Variants in CDC5L observed in about 807,000 individuals in gnomAD.
The protein encoded by CDC5L is cell division cycle 5 like, also known as cell division cycle 5-like protein.
CDC5L carries 18 observed loss-of-function variants against 104.1 expected under a neutral mutation model. The observed-to-expected ratio is 0.17, with a 90% CI of 0.12 to 0.26. The LOEUF (loss-of-function observed/expected upper bound fraction) is 0.26. Ranked by LOEUF, CDC5L falls within the 10% of genes least tolerant of loss-of-function variation. The pLI is 1.00. For missense variants in CDC5L, 673 were observed against 956.9 expected (o/e 0.70, Z 3.91); for synonymous variants, 331 against 322.7 (o/e 1.03, Z -0.28).
intron 9 of CDC5L, among the ~76,000 whole-genome samples, chr6:44,419,833 G>A (rs545635717): frequency 1.5e-4 from 23 of 152,108 alleles, no homozygotes; most frequent in Admixed American, 1.0e-3. Flanking sequence ...GTGCAGTAGC[G>A]CGATCTCAGC....
intron 9 of CDC5L, among the ~76,000 whole-genome samples, chr6:44,420,548 G>A (rs1359901214): frequency 6.6e-6 from 1 of 151,816 alleles, no homozygotes; most frequent in African/African-American, 2.4e-5. Flanking sequence ...AGTAGAGACA[G>A]GGTTTCTCAG....
Position 44,407,971 on chromosome 6 carries a change from TC to T in CDC5L, c.904-471del, listed in dbSNP as rs34016465. ...TGATATTTTAATTGGTTTTCAGTCT[TC>T]CTCCTCCAATTTTGTATAAATACTG... is the stretch of plus-strand genomic sequence containing the variant. On this transcript the variant is annotated intron_variant, in intron 7 of 15. Transcript: ENST00000371477. Among the ~76,000 whole-genome samples the T allele has an allele frequency of 7.5e-3, 1,139 of 152,338 alleles. 7 individuals are homozygous for T. The highest frequency in any genetic ancestry group is 0.01 in the Non-Finnish European group (703 of 68,028).
Position 44,404,991 on chromosome 6 carries a change from G to A in CDC5L, c.758+964G>A, listed in dbSNP as rs1791301514. 2.6e-5 allele frequency among the ~76,000 whole-genome samples: 4 copies of A among 152,076 alleles called. No individual in the cohort carries two copies. The South Asian group carries it at 8.3e-4, about 32-fold the overall frequency. On this transcript the variant is annotated intron_variant, in intron 6 of 15. Transcript: ENST00000371477. ...TTACAGGCATGAGTCACCACTCCTG[G>A]CCCTTTTAGTCTTTTCTAGTGAAAA...
chr6:44,446,536 A>G (rs1415643316), intron 15 of CDC5L, 71 bp from the exon 16 acceptor site: 1 of 610,996 alleles, frequency 1.6e-6, no homozygotes, highest in African/African-American at 1.9e-5. Flanking sequence ...GGTTTTTAAG[A>G]TAATAAAGTA....
At position 44,449,155 on chromosome 6, in the gene CDC5L, T is replaced by A. The variant is rs1793559363; in HGVS notation, c.*2444T>A. 1 of 151,466 alleles carries A rather than the reference T, an allele frequency of 6.6e-6. No individual in the cohort carries two copies. Among genetic ancestry groups the A allele is most frequent in the South Asian group, 2.1e-4 (1 of 4,728 alleles). The allele number at this position is 151,466 out of a possible 1,614,324, so 9.4% of individuals were successfully genotyped here. A position where few individuals can be genotyped will look rare whatever the true frequency, so the allele number is the denominator to read the frequency against. ...TAAAGGCTCACTTTGTTTTCAAAAT[T>A]TGAAGTAATTCACATACTTATAGCC... On this transcript the variant is annotated 3_prime_UTR_variant, in exon 16 of 16. Coordinates refer to ENST00000371477, the MANE Select transcript of CDC5L (RefSeq NM_001253.4).
Position 44,446,783 on chromosome 6 carries a change from T to A in CDC5L, c.*72T>A, listed in dbSNP as rs756934782. ...ATACTCTAGAAGGCTGAAACTGATG[T>A]TTATCTTCATTGACAAATTTACCCA... On this transcript the variant is annotated 3_prime_UTR_variant, in exon 16 of 16. Coordinates refer to ENST00000371477, the MANE Select transcript of CDC5L (RefSeq NM_001253.4). 17 of 716,638 alleles carry A rather than the reference T, an allele frequency of 2.4e-5. No individual in the cohort carries two copies. Among genetic ancestry groups the A allele is most frequent in the African/African-American group, 5.5e-5 (3 of 54,928 alleles). 44.4% of individuals were successfully genotyped at this position (716,638 alleles called of 1,614,324 possible). A position where few individuals can be genotyped will look rare whatever the true frequency, so the allele number is the denominator to read the frequency against.
intron 14 of CDC5L, among the ~76,000 whole-genome samples, chr6:44,436,127 T>C (rs1405936428): frequency 1.3e-5 from 2 of 152,148 alleles, no homozygotes; most frequent in Non-Finnish European, 2.9e-5. Flanking sequence ...TAATATAAGA[T>C]TAAATGAGAT....
At chr6:44,397,588 TG>T in intron 5 of CDC5L, among the ~76,000 whole-genome samples, 1 of 152,358 alleles carries the variant, frequency 6.6e-6, no homozygotes, top group South Asian at 2.1e-4. Context: ...GAGCTTCATT[TG>T]TTGTAGCTAT....
intron 2 of CDC5L, among the ~76,000 whole-genome samples, chr6:44,390,841 T>G (rs1790554731): frequency 6.7e-6 from 1 of 149,894 alleles, no homozygotes; most frequent in Non-Finnish European, 1.5e-5. Context: ...AGTTTCCTCA[T>G]AATACAGTTG....
chr6:44,450,060 T>C lies in CDC5L; in HGVS notation c.*3349T>C, dbSNP rs518982. On this transcript the variant is annotated 3_prime_UTR_variant, in exon 16 of 16. Transcript: ENST00000371477. ...TGTGTTTTTAGTAGAGATGGGGTTT[T>C]GCTATGTTGGCCAGGCTGGTCTTGA... The C allele has an allele frequency of 0.052, 7,845 of 152,052 alleles. 291 individuals are homozygous for C. The highest frequency in any genetic ancestry group is 0.1 in the African/African-American group (4,309 of 41,470). 9.4% of individuals were successfully genotyped at this position (152,052 alleles called of 1,614,324 possible).
intron 8 of CDC5L, 149 bp from the exon 9 acceptor site, chr6:44,419,300 C>T (rs867069352): frequency 4.5e-6 from 3 of 659,686 alleles, no homozygotes; most frequent in Middle Eastern, 2.8e-4. Context: ...TGAAATCTGC[C>T]ATGACTGGTA....
intron 8 of CDC5L, among the ~76,000 whole-genome samples, chr6:44,410,377 A>G (rs1424510648): frequency 2.6e-5 from 4 of 152,196 alleles, no homozygotes; most frequent in Admixed American, 2.6e-4. Context: ...CCATGTTGTC[A>G]CAAATGACAG....
intron 6 of CDC5L, 26 bp downstream of exon 6, chr6:44,404,053 A>G: frequency 6.5e-7 from 1 of 1,549,962 alleles, no homozygotes; most frequent in Non-Finnish European, 8.8e-7. Context: ...GATTTTGGAA[A>G]TGGAAAGGAA....
chr6:44,445,837 T>C lies in CDC5L; in HGVS notation c.2274T>C (p.His758=). 1 of 1,613,862 alleles carries C rather than the reference T, an allele frequency of 6.2e-7. No homozygotes were observed. Residue 758 remains histidine, a synonymous_variant, in exon 15 of 16, where the codon CAT becomes CAC. Transcript: ENST00000371477. ...ELRTFEELKK[H]EDSAIPRRLE... ...GCACTTTTGAAGAACTCAAGAAACA[T>C]GAAGATTCTGCTATTCCCCGGAGGC...
At chr6:44,439,710 A>G (rs990394077) in intron 14 of CDC5L, among the ~76,000 whole-genome samples, 3 of 152,242 alleles carry the variant, frequency 2.0e-5, no homozygotes, top group African/African-American at 7.2e-5. Context: ...CTGGAAAATA[A>G]TAATGGTAAT....
In CDC5L at chr6:44,429,569, A is replaced by T; in HGVS notation, c.1894-144A>T. The T allele has an allele frequency of 4.8e-6, 3 of 629,786 alleles. No homozygotes were observed. The South Asian group carries it at 6.5e-5, about 14-fold the overall frequency. 39.0% of individuals were successfully genotyped at this position (629,786 alleles called of 1,614,324 possible). A position where few individuals can be genotyped will look rare whatever the true frequency, so the allele number is the denominator to read the frequency against. On this transcript the variant is annotated intron_variant, in intron 13 of 15. Coordinates refer to ENST00000371477, the MANE Select transcript of CDC5L (RefSeq NM_001253.4). Reference sequence around the variant, plus strand: ...GCTTCTTAAGCTATTTTTCCTAGGTATTGTTATCCACCCTTCCAAAAAACA... The same window carrying T: ...GCTTCTTAAGCTATTTTTCCTAGGTTTTGTTATCCACCCTTCCAAAAAACA...
chr6:44,393,296 C>A, intron 3 of CDC5L, 150 bp from the exon 4 acceptor site: 5 of 516,466 alleles, frequency 9.7e-6, no homozygotes, highest in Non-Finnish European at 1.6e-5. Flanking sequence ...TCATTTCTTT[C>A]AGATGAAGTG....
chr6:44,412,525 AC>A (rs1791692834), intron 8 of CDC5L, among the ~76,000 whole-genome samples: 1 of 146,228 alleles, frequency 6.8e-6, no homozygotes, highest in Non-Finnish European at 1.5e-5. Flanking sequence ...ACTGCACCTG[AC>A]CCCCCACTTT....
In CDC5L at chr6:44,422,115, C is replaced by A. The variant is rs534860618; in HGVS notation, c.1242-532C>A. On this transcript the variant is annotated intron_variant, in intron 9 of 15. Coordinates refer to ENST00000371477, the MANE Select transcript of CDC5L (RefSeq NM_001253.4). ...CTAGGAGAATCTCTTAGGCCTCACT[C>A]AGGAACTTACTCATGTTTAGATGTG... Among the ~76,000 whole-genome samples the A allele has an allele frequency of 7.2e-5, 11 of 152,326 alleles. No homozygotes were observed. In the South Asian group the frequency reaches 1.9e-3, roughly 26 times the overall value.
Sources: gnomAD v4.1 joint callset for allele counts (sites outside exome capture counted in the v4.1 genomes callset) on GRCh38, gnomAD v4.1.1 for gene constraint, MANE v1.5 for transcripts, NCBI Gene and HGNC (gene_info 2026-07-23, HGNC 2026-07-21) for gene names.